SLC35F3: variants seen among roughly 807,000 people sequenced by gnomAD.
The protein encoded by SLC35F3 is solute carrier family 35 member F3.
SLC35F3 carries 25 observed loss-of-function variants against 49.9 expected under a neutral mutation model. That is an observed-to-expected ratio of 0.50 (90% CI 0.37 to 0.70). The LOEUF (loss-of-function observed/expected upper bound fraction) is 0.70. Ranked by LOEUF, SLC35F3 falls within the 30% of genes least tolerant of loss-of-function variation. The pLI, the probability that SLC35F3 is intolerant of heterozygous loss-of-function variation, is 0.00. For synonymous variants in SLC35F3, 275 were observed against 265.4 expected (o/e 1.04, Z -0.35); for missense variants, 525 against 639.8 (o/e 0.82, Z 1.94).
intron 4 of SLC35F3, among the ~76,000 whole-genome samples, chr1:234,311,551 A>C (rs992652707): frequency 6.6e-6 from 1 of 152,244 alleles, no homozygotes; most frequent in African/African-American, 2.4e-5. Context: ...TTATTAAGGC[A>C]ATTATTCAAA....
At chr1:234,162,998 A>G (rs752243417) in intron 2 of SLC35F3, among the ~76,000 whole-genome samples, 45 of 152,328 alleles carry the variant, frequency 3.0e-4, no homozygotes, top group African/African-American at 7.2e-5. Flanking sequence ...AAGAAGAATC[A>G]TGACCTAGGT....
intron 2 of SLC35F3, among the ~76,000 whole-genome samples, chr1:234,193,213 C>T (rs1666755600): frequency 6.6e-6 from 1 of 152,168 alleles, no homozygotes; most frequent in South Asian, 2.1e-4. Context: ...GCCATAGTCA[C>T]TAAAACAGCA....
intron 2 of SLC35F3, among the ~76,000 whole-genome samples, chr1:234,180,352 T>G (rs539803367): frequency 5.8e-4 from 88 of 152,308 alleles, no homozygotes; most frequent in Middle Eastern, 3.4e-3. Context: ...ATGGCCACCT[T>G]GACCTTCAGG....
intron 2 of SLC35F3, among the ~76,000 whole-genome samples, chr1:234,189,076 C>A (rs1274593136): frequency 6.6e-6 from 1 of 152,090 alleles, no homozygotes; most frequent in African/African-American, 2.4e-5. Flanking sequence ...AGCCCCAGAT[C>A]TTCCCTCTGA....
intron 2 of SLC35F3, among the ~76,000 whole-genome samples, chr1:234,117,835 G>A (rs1362677570): frequency 1.3e-5 from 2 of 150,736 alleles, no homozygotes; most frequent in African/African-American, 4.9e-5. Context: ...GCAGTGAGCC[G>A]AGATGGTGCC....
At chr1:234,148,202 G>A (rs370041186) in intron 2 of SLC35F3, among the ~76,000 whole-genome samples, 13 of 152,326 alleles carry the variant, frequency 8.5e-5, no homozygotes, top group South Asian at 2.1e-4. Context: ...GACATGAAGC[G>A]AAAAGGCAAG....
chr1:234,126,657 G>T (rs1304712641), intron 2 of SLC35F3, among the ~76,000 whole-genome samples: 1 of 152,054 alleles, frequency 6.6e-6, no homozygotes, highest in African/African-American at 2.4e-5. Flanking sequence ...AGCCACCAAT[G>T]TGCTCTCCAT....
chr1:234,132,843 T>G (rs752463931), intron 2 of SLC35F3, among the ~76,000 whole-genome samples: 4 of 152,172 alleles, frequency 2.6e-5, no homozygotes, highest in Non-Finnish European at 5.9e-5. Context: ...GCCTTCCCAC[T>G]CCAAAATATG....
At chr1:234,218,821 T>C (rs1370532612) in intron 2 of SLC35F3, among the ~76,000 whole-genome samples, 1 of 151,838 alleles carries the variant, frequency 6.6e-6, no homozygotes, top group Non-Finnish European at 1.5e-5. Context: ...GAGGCCGAGG[T>C]GGGTGGATCA....
intron 2 of SLC35F3, among the ~76,000 whole-genome samples, chr1:233,977,078 A>C (rs1663104820): frequency 6.6e-6 from 1 of 152,116 alleles, no homozygotes; most frequent in Admixed American, 6.5e-5. Flanking sequence ...TCACCTGGTG[A>C]AAGGGGCTCT....
At chr1:233,934,639 A>G (rs965647352) in intron 2 of SLC35F3, among the ~76,000 whole-genome samples, 7 of 152,228 alleles carry the variant, frequency 4.6e-5, no homozygotes, top group African/African-American at 9.6e-5. Flanking sequence ...ATGAATTATT[A>G]CAAAATGAAT....
At chr1:233,920,620 G>A (rs1662043012) in intron 2 of SLC35F3, among the ~76,000 whole-genome samples, 1 of 152,216 alleles carries the variant, frequency 6.6e-6, no homozygotes, top group African/African-American at 2.4e-5. Flanking sequence ...GAGTGTGCGT[G>A]GGACCTGTGA....
chr1:234,079,071 G>A (rs1195786710), intron 2 of SLC35F3, among the ~76,000 whole-genome samples: 1 of 151,448 alleles, frequency 6.6e-6, no homozygotes, highest in Non-Finnish European at 1.5e-5. Flanking sequence ...AATTTCAAAA[G>A]GTACTACAAA....
At chr1:234,180,085 T>C (rs1038081035) in intron 2 of SLC35F3, among the ~76,000 whole-genome samples, 7 of 152,154 alleles carry the variant, frequency 4.6e-5, no homozygotes, top group African/African-American at 1.2e-4. Flanking sequence ...CTCTAGGAAA[T>C]AGGGATGAGT....
intron 3 of SLC35F3, among the ~76,000 whole-genome samples, chr1:234,235,592 T>C (rs1667452429): frequency 6.6e-6 from 1 of 152,236 alleles, no homozygotes; most frequent in Non-Finnish European, 1.5e-5. Flanking sequence ...TGTCCAAAGG[T>C]CTTCCAGGAA....
Position 234,214,467 on chromosome 1 carries a change from G to T in SLC35F3, c.284-16950G>T. ...GCCGGCCCCAGGATGTAGGCGATCG[G>T]CGGCAGCGCTCCTGCAGGCGGCCGG... On this transcript the variant is annotated intron_variant, in intron 2 of 7. Coordinates refer to ENST00000366618, the MANE Select transcript of SLC35F3 (RefSeq NM_173508.4). The surrounding 1 kb of genome is among the most constrained non-coding windows in gnomAD (Gnocchi z 8.0). 6 of 1,518,524 alleles carry T rather than the reference G, an allele frequency of 4.0e-6. No homozygotes were observed. Among genetic ancestry groups the T allele is most frequent in the Non-Finnish European group, 5.3e-6 (6 of 1,133,546 alleles). The allele number at this position is 1,518,524 out of a possible 1,614,324, so 94.1% of individuals were successfully genotyped here.
In SLC35F3 at chr1:234,323,684, T is replaced by G. The variant is rs1657687172; in HGVS notation, c.*441T>G. The G allele has an allele frequency of 6.3e-6, 1 of 158,702 alleles. No homozygotes were observed. Among genetic ancestry groups the G allele is most frequent in the Admixed American group, 6.1e-5 (1 of 16,460 alleles). 9.8% of individuals were successfully genotyped at this position (158,702 alleles called of 1,614,324 possible). A position where few individuals can be genotyped will look rare whatever the true frequency, so the allele number is the denominator to read the frequency against. On this transcript the variant is annotated 3_prime_UTR_variant, in exon 8 of 8. Transcript: ENST00000366618. The surrounding 1 kb of genome is among the most constrained non-coding windows in gnomAD (Gnocchi z 4.5). Reference sequence around the variant, plus strand: ...AGCTGTACTCTTAATTTTAAGGAATTTCAATGAACCAAAAGATAACTGTCA... The same window carrying G: ...AGCTGTACTCTTAATTTTAAGGAATGTCAATGAACCAAAAGATAACTGTCA...
At chr1:234,078,556 T>A (rs1664830766) in intron 2 of SLC35F3, among the ~76,000 whole-genome samples, 1 of 152,224 alleles carries the variant, frequency 6.6e-6, no homozygotes, top group Non-Finnish European at 1.5e-5. Context: ...TTTCTCTCCT[T>A]CCACAAGTCC....
chr1:233,922,042 T>C (rs1002058544), intron 2 of SLC35F3, among the ~76,000 whole-genome samples: 9 of 152,242 alleles, frequency 5.9e-5, no homozygotes, highest in Non-Finnish European at 2.9e-5. Context: ...CAGTCTATCA[T>C]TGTTGGACAT....
Sources: gnomAD v4.1 joint callset for allele counts (sites outside exome capture counted in the v4.1 genomes callset) on GRCh38, gnomAD v4.1.1 for gene constraint, Gnocchi (gnomAD v3.1) non-coding constraint, MANE v1.5 for transcripts, NCBI Gene and HGNC (gene_info 2026-07-23, HGNC 2026-07-21) for gene names.